Variants in EXOC6 observed in about 807,000 individuals in gnomAD.
The protein encoded by EXOC6 is exocyst complex component 6, also known as SEC15-like 1.
In EXOC6, 60 loss-of-function variants were observed where a neutral mutation model predicts 112.5. The ratio of observed to expected loss-of-function variants is 0.53; its 90% CI spans 0.43 to 0.66. The LOEUF (loss-of-function observed/expected upper bound fraction) is 0.66. Among genes scored for constraint, EXOC6 ranks in the 30% least tolerant of loss-of-function variants. EXOC6 has a pLI of 0.00. For synonymous variants in EXOC6, 295 were observed against 308.0 expected (o/e 0.96, Z 0.44); for missense variants, 855 against 957.1 (o/e 0.89, Z 1.41).
chr10:92,832,309 C>A (rs1428192582), upstream of EXOC6, among the ~76,000 whole-genome samples: 1 of 152,130 alleles, frequency 6.6e-6, no homozygotes, highest in African/African-American at 2.4e-5. Context: ...CGGAGTTTTG[C>A]TCTTGTCACC....
chr10:92,920,155 A>G (rs1851348169), intron 8 of EXOC6, 105 bp downstream of exon 8: 1 of 645,848 alleles, frequency 1.5e-6, no homozygotes, highest in Admixed American at 3.6e-5. Context: ...TCTTCACATA[A>G]TTCTTTGTGA....
At chr10:92,833,980 T>C (rs920336242), upstream of EXOC6, among the ~76,000 whole-genome samples, 1 of 151,942 alleles carries the variant, frequency 6.6e-6, no homozygotes. Flanking sequence ...TTCCTCTCCA[T>C]CAAAACCTAT....
At chr10:93,013,603 G>C (rs60312200) in intron 19 of EXOC6, among the ~76,000 whole-genome samples, 5 of 151,894 alleles carry the variant, frequency 3.3e-5, no homozygotes, top group Non-Finnish European at 7.4e-5. Context: ...ATGAGACTCC[G>C]TCTCAAAAAA....
intron 20 of EXOC6, among the ~76,000 whole-genome samples, chr10:93,018,825 A>C (rs951105357): frequency 2.6e-5 from 4 of 151,822 alleles, no homozygotes; most frequent in African/African-American, 9.7e-5. Context: ...ACTTTCATAT[A>C]TGTTTGAAAT....
At chr10:92,924,975 C>G (rs1310890272) in intron 8 of EXOC6, among the ~76,000 whole-genome samples, 1 of 152,112 alleles carries the variant, frequency 6.6e-6, no homozygotes, top group Non-Finnish European at 1.5e-5. Flanking sequence ...CTAGTTCCAT[C>G]CAGGTTGCTC....
intron 1 of EXOC6, among the ~76,000 whole-genome samples, chr10:92,884,223 T>C (rs1849098052): frequency 6.6e-6 from 1 of 152,114 alleles, no homozygotes; most frequent in African/African-American, 2.4e-5. Flanking sequence ...CTGATAAAGG[T>C]TTGTAGAAAG....
At chr10:92,878,264 T>C (rs1243824995) in intron 1 of EXOC6, 1 of 152,246 alleles carries the variant, frequency 6.6e-6, no homozygotes, top group Non-Finnish European at 1.5e-5. Flanking sequence ...CTCTTCATTG[T>C]AGTTCTTTCT....
intron 19 of EXOC6, chr10:92,999,202 A>G: frequency 2.8e-6 from 1 of 360,820 alleles, no homozygotes; most frequent in Non-Finnish European, 5.2e-6. Flanking sequence ...CCTAAGAAAC[A>G]CTTTTTTTTT....
chr10:92,896,164 TATATATATATA>T (rs1849783663), intron 4 of EXOC6, among the ~76,000 whole-genome samples: 1 of 27,180 alleles, frequency 3.7e-5, no homozygotes, highest in Non-Finnish European at 6.3e-5. Context: ...TATATATATA[TATATATATATA>T]TATATATTTT....
chr10:92,910,079 C>T (rs1381045521), intron 6 of EXOC6, among the ~76,000 whole-genome samples: 2 of 152,140 alleles, frequency 1.3e-5, no homozygotes, highest in East Asian at 1.9e-4. Flanking sequence ...ATGGGAAAAG[C>T]CTCAGCAGTT....
intron 17 of EXOC6, among the ~76,000 whole-genome samples, chr10:92,971,930 C>T (rs1402845646): frequency 6.6e-6 from 1 of 152,192 alleles, no homozygotes; most frequent in Non-Finnish European, 1.5e-5. Flanking sequence ...GTTCTCACCT[C>T]TCCCAAGGGT....
intron 9 of EXOC6, among the ~76,000 whole-genome samples, chr10:92,933,165 C>T (rs184897429): frequency 2.0e-5 from 3 of 152,142 alleles, no homozygotes; most frequent in Admixed American, 2.0e-4. Flanking sequence ...CACTTGATAA[C>T]ATTGACTCAA....
At chr10:92,880,798 CA>C (rs1217624499) in intron 1 of EXOC6, among the ~76,000 whole-genome samples, 3 of 151,534 alleles carry the variant, frequency 2.0e-5, no homozygotes, top group Non-Finnish European at 4.4e-5. Flanking sequence ...GAAGGGCATC[CA>C]GGGGTAGAAA....
rs1156726278 is a variant in EXOC6, at chr10:93,038,040, CA to C, written c.2170-18858del. On this transcript the variant is annotated intron_variant, in intron 20 of 21. Transcript: ENST00000260762. ...GGGCTACAGAGCGAGACTCCGTCTC[CA>C]AAAAAAAAAAAAAAAAAAAAAAAAA... Among the ~76,000 whole-genome samples, 115 of 26,588 alleles carry C rather than the reference CA, an allele frequency of 4.3e-3. 5 individuals carry two copies. The highest frequency in any genetic ancestry group is 0.01 in the African/African-American group (51 of 5,014). The allele number at this position is 26,588 out of a possible 152,430, so 17.4% of individuals were successfully genotyped here. A position where few individuals can be genotyped will look rare whatever the true frequency, so the allele number is the denominator to read the frequency against.
At chr10:93,016,349 C>T (rs11187241) in intron 20 of EXOC6, among the ~76,000 whole-genome samples, 2,043 of 152,046 alleles carry the variant, frequency 0.013, 49 homozygotes, top group African/African-American at 0.047. Context: ...CCATGTTCAC[C>T]AGGCTGGTCT....
chr10:92,896,179 A>T (rs1467443796), intron 4 of EXOC6, among the ~76,000 whole-genome samples: 7 of 13,074 alleles, frequency 5.4e-4, no homozygotes, highest in Admixed American at 1.8e-3. Flanking sequence ...ATATATATAT[A>T]TATTTTTTTT....
chr10:92,891,940 A>G (rs1361582367), intron 1 of EXOC6, among the ~76,000 whole-genome samples: 2 of 152,232 alleles, frequency 1.3e-5, no homozygotes, highest in Admixed American at 1.3e-4. Flanking sequence ...GTAAATTACA[A>G]TACAAAGTAA....
At position 93,025,477 on chromosome 10, in the gene EXOC6, T is replaced by C. The variant is rs184258909; in HGVS notation, c.2169+11210T>C. 1.1e-3 allele frequency among the ~76,000 whole-genome samples: 173 copies of C among 152,352 alleles called. 1 individual carries two copies. Among genetic ancestry groups the C allele is most frequent in the African/African-American group, 3.8e-3 (160 of 41,594 alleles). On this transcript the variant is annotated intron_variant, in intron 20 of 21. Transcript: ENST00000260762. ...AGAAGTGTAGCTTTGCAGAGGAATA[T>C]AAAATAGGTTTTTATTGGCCTAGAT... is the stretch of plus-strand genomic sequence containing the variant.
chr10:92,973,208 A>T (rs568562702), intron 17 of EXOC6, among the ~76,000 whole-genome samples: 4 of 152,158 alleles, frequency 2.6e-5, no homozygotes, highest in Non-Finnish European at 5.9e-5. Flanking sequence ...ATTCTCTGAG[A>T]ATGTGGCTTT....
Sources: allele counts gnomAD v4.1 joint callset (sites outside exome capture counted in the v4.1 genomes callset), GRCh38; gene constraint gnomAD v4.1.1; transcripts MANE v1.5; gene names NCBI Gene and HGNC (gene_info 2026-07-23, HGNC 2026-07-21).